Variants in RPS6KC1 observed in about 807,000 individuals in gnomAD.
RPS6KC1 encodes inactive ribosomal protein S6 kinase delta-1.
Under a neutral mutation model 103.8 loss-of-function variants are expected in RPS6KC1, and 54 were observed. That is an observed-to-expected ratio of 0.52 (90% CI 0.42 to 0.65). The LOEUF (loss-of-function observed/expected upper bound fraction) is 0.65, where lower values mean the gene tolerates loss of function less well. RPS6KC1 is among the 30% of genes least tolerant of loss of function. The pLI is 0.00. For synonymous variants in RPS6KC1, 439 were observed against 438.7 expected, an observed-to-expected ratio of 1.00 and a Z score of -0.01; for missense variants, 1,151 against 1,253.8, an observed-to-expected ratio of 0.92 and a Z score of 1.24.
chr1:213,663,559 G>A, the RPS6KC1 span, among the ~76,000 whole-genome samples: 1 of 152,074 alleles, frequency 6.6e-6, no homozygotes, highest in African/African-American at 2.4e-5. Context: ...GATTTGCTAG[G>A]GCCACTGCAA....
chr1:213,544,358 C>T, the RPS6KC1 span, among the ~76,000 whole-genome samples: 1 of 152,134 alleles, frequency 6.6e-6, no homozygotes, highest in Admixed American at 6.5e-5. Flanking sequence ...ACAGCTCTAG[C>T]AATAATGTTA....
At chr1:213,293,218 T>G in the RPS6KC1 span, among the ~76,000 whole-genome samples, 1 of 152,220 alleles carries the variant, frequency 6.6e-6, no homozygotes, top group Non-Finnish European at 1.5e-5. Context: ...AAAAACCACT[T>G]TAATTGGTAG....
the RPS6KC1 span, among the ~76,000 whole-genome samples, chr1:213,555,200 C>G: frequency 6.6e-6 from 1 of 152,160 alleles, no homozygotes; most frequent in Admixed American, 6.5e-5. Context: ...CTACAAAGAA[C>G]GAATGTTTGA....
At chr1:213,588,181 T>C in the RPS6KC1 span, among the ~76,000 whole-genome samples, 1 of 152,054 alleles carries the variant, frequency 6.6e-6, no homozygotes. Flanking sequence ...GCTCAAGTGA[T>C]CCTGCTACCT....
At chr1:213,069,506 C>A (rs577360166) in intron 1 of RPS6KC1, among the ~76,000 whole-genome samples, 2 of 152,192 alleles carry the variant, frequency 1.3e-5, no homozygotes, top group African/African-American at 4.8e-5. Context: ...GTAATTTGAA[C>A]CAAGGTTTGT....
At chr1:213,595,624 T>G in the RPS6KC1 span, among the ~76,000 whole-genome samples, 1 of 152,308 alleles carries the variant, frequency 6.6e-6, no homozygotes, top group Admixed American at 6.5e-5. Flanking sequence ...AAGACAGTGG[T>G]TTTGCTGGAC....
At chr1:213,427,891 C>T in the RPS6KC1 span, among the ~76,000 whole-genome samples, 1 of 152,220 alleles carries the variant, frequency 6.6e-6, no homozygotes. Flanking sequence ...CCCTGAAAGT[C>T]TAGGATGCTA....
At chr1:213,170,159 C>A (rs1040319683) in intron 7 of RPS6KC1, among the ~76,000 whole-genome samples, 1 of 152,246 alleles carries the variant, frequency 6.6e-6, no homozygotes, top group African/African-American at 2.4e-5. Context: ...GAATGGTTTA[C>A]CTATACTTAT....
chr1:213,731,546 T>C, the RPS6KC1 span: 1 of 152,314 alleles, frequency 6.6e-6, no homozygotes, highest in Non-Finnish European at 1.5e-5. Flanking sequence ...ATGAACCCCT[T>C]CTTCATCCAC....
At chr1:213,324,229 G>A in the RPS6KC1 span, among the ~76,000 whole-genome samples, 1 of 152,184 alleles carries the variant, frequency 6.6e-6, no homozygotes, top group African/African-American at 2.4e-5. Context: ...CAGTACCAAC[G>A]GAGTGAGGAA....
chr1:213,843,126 C>G, the RPS6KC1 span, among the ~76,000 whole-genome samples: 1 of 152,182 alleles, frequency 6.6e-6, no homozygotes, highest in Admixed American at 6.5e-5. Context: ...GACAGAATTG[C>G]ATTTTCTTCT....
the RPS6KC1 span, among the ~76,000 whole-genome samples, chr1:213,679,804 A>C: frequency 1.0e-3 from 153 of 152,360 alleles, 1 homozygote; most frequent in South Asian, 0.012. Flanking sequence ...ACTTTAAGGA[A>C]TTCTCATGAA....
chr1:213,631,804 G>C, the RPS6KC1 span, among the ~76,000 whole-genome samples: 4 of 151,740 alleles, frequency 2.6e-5, no homozygotes, highest in East Asian at 3.9e-4. Flanking sequence ...AAAAATATGG[G>C]TTTTTTGCCC....
the RPS6KC1 span, among the ~76,000 whole-genome samples, chr1:213,469,605 G>A: frequency 6.6e-6 from 1 of 152,110 alleles, no homozygotes; most frequent in Non-Finnish European, 1.5e-5. Flanking sequence ...TCACACCCCA[G>A]GCTCCTCGCT....
chr1:213,083,596 A>T (rs966952268), intron 3 of RPS6KC1, among the ~76,000 whole-genome samples: 16 of 152,180 alleles, frequency 1.1e-4, no homozygotes, highest in African/African-American at 3.9e-4. Context: ...TGTGACTTAG[A>T]TGAGATTCTA....
At chr1:213,663,411 A>G in the RPS6KC1 span, among the ~76,000 whole-genome samples, 1 of 152,174 alleles carries the variant, frequency 6.6e-6, no homozygotes. Flanking sequence ...ACACCCTTGG[A>G]CTGGAATTGA....
the RPS6KC1 span, among the ~76,000 whole-genome samples, chr1:213,401,997 C>T: frequency 3.3e-5 from 5 of 152,004 alleles, no homozygotes; most frequent in African/African-American, 1.2e-4. Context: ...TATACTAGCT[C>T]AGGCTGGTCT....
At chr1:213,407,856 G>C in the RPS6KC1 span, among the ~76,000 whole-genome samples, 3 of 152,184 alleles carry the variant, frequency 2.0e-5, no homozygotes, top group Admixed American at 2.0e-4. Flanking sequence ...TCAGGTGAGT[G>C]AAACCTGACC....
chr1:213,344,069 A>C, the RPS6KC1 span, among the ~76,000 whole-genome samples: 1 of 152,186 alleles, frequency 6.6e-6, no homozygotes, highest in Non-Finnish European at 1.5e-5. Context: ...TTTTCTAAAC[A>C]AAATAAGACA....
Sources: allele counts gnomAD v4.1 joint callset (sites outside exome capture counted in the v4.1 genomes callset), GRCh38; gene constraint gnomAD v4.1.1; transcripts MANE v1.5; gene names NCBI Gene and HGNC (gene_info 2026-07-23, HGNC 2026-07-21).